The following LRFN2 variants were observed in gnomAD, a reference collection of about 807,000 sequenced individuals.
LRFN2 encodes leucine rich repeat and fibronectin type III domain containing 2, also known as leucine-rich repeat and fibronectin type-III domain-containing protein 2.
In LRFN2, 18 loss-of-function variants were observed where a neutral mutation model predicts 37.3. That is an observed-to-expected ratio of 0.48 (90% CI 0.33 to 0.72). LRFN2 has a LOEUF of 0.72. Among genes scored for constraint, LRFN2 ranks in the 30% least tolerant of loss-of-function variants. The pLI is 0.02. For synonymous variants in LRFN2, 556 were observed against 466.6 expected, an observed-to-expected ratio of 1.19 and a Z score of -2.47; for missense variants, 1,006 against 1,060.7, an observed-to-expected ratio of 0.95 and a Z score of 0.72.
At position 40,391,895 on chromosome 6, in the gene LRFN2, C is replaced by A. The variant is rs1206807939; in HGVS notation, c.*48G>T. The A allele has an allele frequency of 2.7e-6, 4 of 1,471,280 alleles. No homozygotes were observed. Among genetic ancestry groups the A allele is most frequent in the Non-Finnish European group, 3.6e-6 (4 of 1,107,290 alleles). 91.1% of individuals were successfully genotyped at this position (1,471,280 alleles called of 1,614,324 possible). A position where few individuals can be genotyped will look rare whatever the true frequency, so the allele number is the denominator to read the frequency against. ...CAAACACTTGCCAGTGAGATTCTTT[C>A]CCCTTCTCCCACCCTGCGCACAGGA... On this transcript the variant is annotated 3_prime_UTR_variant, in exon 3 of 3. Coordinates refer to ENST00000338305, the MANE Select transcript of LRFN2 (RefSeq NM_020737.3).
At chr6:40,488,246 G>T (rs184953748) in intron 1 of LRFN2, among the ~76,000 whole-genome samples, 1 of 152,170 alleles carries the variant, frequency 6.6e-6, no homozygotes, top group East Asian at 1.9e-4. Context: ...GCTTGGCCCT[G>T]CCCAGAATCT....
chr6:40,452,993 TC>T (rs1764147162), intron 1 of LRFN2, among the ~76,000 whole-genome samples: 2 of 152,216 alleles, frequency 1.3e-5, no homozygotes. Context: ...TAAGAGTGAC[TC>T]TTTGCTAGGT....
chr6:40,561,736 C>T (rs376434660), intron 1 of LRFN2, among the ~76,000 whole-genome samples: 22 of 152,272 alleles, frequency 1.4e-4, no homozygotes, highest in Middle Eastern at 3.4e-3. Context: ...ACAGGAGCCC[C>T]GCTTAATCCA....
rs764576050 is a variant in LRFN2, at chr6:40,571,821, C to T, written c.-19+15120G>A. On this transcript the variant is annotated intron_variant, in intron 1 of 2. Transcript: ENST00000338305. ...TGAGGGCCCCACAACAAGTTGGTGG[C>T]GGAGCTGGTGTGGCCATGCAAGTGT... 1.2e-3 allele frequency among the ~76,000 whole-genome samples: 175 copies of T among 152,160 alleles called. 1 individual carries two copies. Among genetic ancestry groups the T allele is most frequent in the Admixed American group, 2.9e-3 (45 of 15,286 alleles).
chr6:40,527,656 T>C (rs1766276947), intron 1 of LRFN2, among the ~76,000 whole-genome samples: 1 of 152,236 alleles, frequency 6.6e-6, no homozygotes, highest in Admixed American at 6.5e-5. Context: ...AGAGTGATTA[T>C]GTGAGTGATT....
At chr6:40,405,266 T>C (rs1200136255) in intron 2 of LRFN2, among the ~76,000 whole-genome samples, 1 of 152,178 alleles carries the variant, frequency 6.6e-6, no homozygotes, top group Non-Finnish European at 1.5e-5. Flanking sequence ...GGCAGCAGGG[T>C]ACAGTGGATA....
intron 2 of LRFN2, among the ~76,000 whole-genome samples, chr6:40,429,743 C>G (rs1763435680): frequency 6.6e-6 from 1 of 152,098 alleles, no homozygotes; most frequent in Admixed American, 6.5e-5. Context: ...GCAAAAATAT[C>G]CCTCACTGTA....
intron 1 of LRFN2, among the ~76,000 whole-genome samples, chr6:40,571,754 CA>C (rs563813521): frequency 5.3e-4 from 81 of 152,314 alleles, no homozygotes; most frequent in African/African-American, 1.9e-3. Flanking sequence ...TGTGATGCCC[CA>C]CCTCCATCCA....
chr6:40,453,800 G>A (rs983139607), intron 1 of LRFN2, among the ~76,000 whole-genome samples: 1 of 152,110 alleles, frequency 6.6e-6, no homozygotes, highest in Non-Finnish European at 1.5e-5. Flanking sequence ...TGATACTGAC[G>A]ACTCTCTACA....
chr6:40,448,357 G>A (rs1311773818), intron 1 of LRFN2, among the ~76,000 whole-genome samples: 2 of 152,068 alleles, frequency 1.3e-5, no homozygotes, highest in Non-Finnish European at 2.9e-5. Context: ...CAGATAGGGT[G>A]AAAAAATAAT....
intron 2 of LRFN2, among the ~76,000 whole-genome samples, chr6:40,410,773 T>C (rs1762949661): frequency 6.6e-6 from 1 of 152,108 alleles, no homozygotes; most frequent in African/African-American, 2.4e-5. Context: ...GCACAGGTAG[T>C]TTTAGGGGTT....
chr6:40,558,157 C>T (rs1167136811), intron 1 of LRFN2, among the ~76,000 whole-genome samples: 4 of 152,210 alleles, frequency 2.6e-5, no homozygotes, highest in Non-Finnish European at 5.9e-5. Context: ...TAAGCTGAGG[C>T]CCCCAAGGAA....
In LRFN2 at chr6:40,574,391, C is replaced by T. The variant is rs60839392; in HGVS notation, c.-19+12550G>A. Among the ~76,000 whole-genome samples the T allele has an allele frequency of 9.9e-3, 1,508 of 152,232 alleles. 26 individuals carry two copies. Among genetic ancestry groups the T allele is most frequent in the African/African-American group, 0.034 (1,424 of 41,520 alleles). On this transcript the variant is annotated intron_variant, in intron 1 of 2. Transcript: ENST00000338305. The stretch of plus-strand genomic sequence containing the variant: ...AGATTTGAACCCAGCTGTCTGACTC[C>T]CAGGCCTGACTCACTGTGCTAGAAT...
At position 40,547,124 on chromosome 6, in the gene LRFN2, G is replaced by A. The variant is rs1445925409; in HGVS notation, c.-19+39817C>T. On this transcript the variant is annotated intron_variant, in intron 1 of 2. Coordinates refer to ENST00000338305, the MANE Select transcript of LRFN2 (RefSeq NM_020737.3). ...GCAAATCTTTTTTTTTTTTTTTTGAGATAGAGTTTTGCTCTTGTCACCCAG... is the reference window on the plus strand; with the variant it reads ...GCAAATCTTTTTTTTTTTTTTTTGAAATAGAGTTTTGCTCTTGTCACCCAG... Among the ~76,000 whole-genome samples the A allele has an allele frequency of 3.2e-5, 4 of 124,496 alleles. 1 individual carries two copies. Among genetic ancestry groups the A allele is most frequent in the African/African-American group, 1.1e-4 (4 of 35,364 alleles). The allele number at this position is 124,496 out of a possible 152,430, so 81.7% of individuals were successfully genotyped here. A position where few individuals can be genotyped will look rare whatever the true frequency, so the allele number is the denominator to read the frequency against.
intron 2 of LRFN2, among the ~76,000 whole-genome samples, chr6:40,424,210 C>A (rs909472497): frequency 3.3e-5 from 5 of 152,146 alleles, no homozygotes; most frequent in African/African-American, 1.2e-4. Flanking sequence ...ACTGGCACCC[C>A]TGTTTCCCCA....
intron 1 of LRFN2, among the ~76,000 whole-genome samples, chr6:40,546,961 T>A (rs980730799): frequency 3.9e-5 from 6 of 152,232 alleles, no homozygotes; most frequent in Non-Finnish European, 7.3e-5. Flanking sequence ...AAATAGGACC[T>A]TCTTCCTAGT....
At chr6:40,533,841 G>T (rs1188385225) in intron 1 of LRFN2, among the ~76,000 whole-genome samples, 1 of 152,158 alleles carries the variant, frequency 6.6e-6, no homozygotes, top group African/African-American at 2.4e-5. Flanking sequence ...CTCTACCTGT[G>T]GCCACACTGC....
At chr6:40,454,654 A>T (rs1294082360) in intron 1 of LRFN2, among the ~76,000 whole-genome samples, 1 of 152,126 alleles carries the variant, frequency 6.6e-6, no homozygotes, top group African/African-American at 2.4e-5. Flanking sequence ...TTCTTTACTT[A>T]TCTTATCAGG....
intron 2 of LRFN2, among the ~76,000 whole-genome samples, chr6:40,416,787 G>T (rs1205517448): frequency 1.3e-5 from 2 of 152,096 alleles, no homozygotes; most frequent in Non-Finnish European, 2.9e-5. Context: ...TCCACTGTTC[G>T]CCAGTCCCAG....
Sources: allele counts gnomAD v4.1 joint callset (sites outside exome capture counted in the v4.1 genomes callset), GRCh38; gene constraint gnomAD v4.1.1; transcripts MANE v1.5; gene names NCBI Gene and HGNC (gene_info 2026-07-23, HGNC 2026-07-21).